PTPRD: variants seen among roughly 807,000 people sequenced by gnomAD.
The protein encoded by PTPRD is protein tyrosine phosphatase receptor type D.
Under a neutral mutation model 214.5 loss-of-function variants are expected in PTPRD, and 34 were observed. The observed-to-expected ratio is 0.16, with a 90% CI of 0.12 to 0.21. The LOEUF is 0.21. Ranked by LOEUF, PTPRD falls within the 10% of genes least tolerant of loss-of-function variation. PTPRD has a pLI of 1.00. For synonymous variants in PTPRD, 1,128 were observed against 845.7 expected (o/e 1.33, Z -5.79); for missense variants, 2,545 against 2,398.7 (o/e 1.06, Z -1.27).
intron 4 of PTPRD, among the ~76,000 whole-genome samples, chr9:10,000,399 G>T (rs564410479): frequency 6.6e-6 from 1 of 152,080 alleles, no homozygotes; most frequent in Admixed American, 6.6e-5. Flanking sequence ...ACTCAAAATG[G>T]TGCTGCAAAC....
At chr9:9,339,554 T>A (rs962169542) in intron 9 of PTPRD, among the ~76,000 whole-genome samples, 3 of 152,164 alleles carry the variant, frequency 2.0e-5, no homozygotes, top group African/African-American at 7.2e-5. Context: ...CTGCAATAAG[T>A]GCCTGGTATA....
At chr9:9,871,512 A>AC (rs2065418081) in intron 5 of PTPRD, among the ~76,000 whole-genome samples, 1 of 152,222 alleles carries the variant, frequency 6.6e-6, no homozygotes, top group South Asian at 2.1e-4. Context: ...CTGTATTTCT[A>AC]ACTCTAGCTC....
chr9:9,252,260 A>G (rs891828678), intron 9 of PTPRD, among the ~76,000 whole-genome samples: 10 of 152,048 alleles, frequency 6.6e-5, no homozygotes, highest in Admixed American at 6.6e-5. Flanking sequence ...GTACATTTAT[A>G]AGGAAATCTC....
At chr9:10,559,451 AT>A (rs1442321872) in intron 2 of PTPRD, among the ~76,000 whole-genome samples, 1 of 152,174 alleles carries the variant, frequency 6.6e-6, no homozygotes, top group Non-Finnish European at 1.5e-5. Flanking sequence ...TTTTAAAATT[AT>A]TTTTTGTTTT....
At chr9:8,391,095 C>T (rs2089380096) in intron 36 of PTPRD, among the ~76,000 whole-genome samples, 1 of 152,038 alleles carries the variant, frequency 6.6e-6, no homozygotes, top group Admixed American at 6.6e-5. Context: ...GTGCATGATC[C>T]CTTCTACCCT....
At chr9:9,203,019 A>G (rs1050505546) in intron 9 of PTPRD, among the ~76,000 whole-genome samples, 4 of 152,146 alleles carry the variant, frequency 2.6e-5, no homozygotes, top group African/African-American at 9.7e-5. Flanking sequence ...CTTGAGCTCT[A>G]AACATCTATT....
chr9:8,358,219 A>G (rs747221938), intron 39 of PTPRD, among the ~76,000 whole-genome samples: 3 of 152,178 alleles, frequency 2.0e-5, no homozygotes, highest in Non-Finnish European at 4.4e-5. Flanking sequence ...CCTGGGGAAG[A>G]AATTCAGTTT....
chr9:10,115,913 G>A (rs540601664), intron 3 of PTPRD, among the ~76,000 whole-genome samples: 14 of 151,862 alleles, frequency 9.2e-5, no homozygotes, highest in Non-Finnish European at 1.3e-4. Context: ...ATCTCTTTTG[G>A]CATGTATGAC....
chr9:9,870,285 T>C (rs2065086797), intron 5 of PTPRD, among the ~76,000 whole-genome samples: 1 of 152,012 alleles, frequency 6.6e-6, no homozygotes, highest in Admixed American at 6.6e-5. Flanking sequence ...ACAATTATAA[T>C]GATAGATTTC....
intron 11 of PTPRD, among the ~76,000 whole-genome samples, chr9:8,775,689 G>T (rs536973140): frequency 1.3e-5 from 2 of 152,226 alleles, no homozygotes; most frequent in Admixed American, 1.3e-4. Flanking sequence ...TAATTTCTAA[G>T]ATCCAATAAC....
At chr9:10,451,110 A>C (rs1295263032) in intron 2 of PTPRD, among the ~76,000 whole-genome samples, 1 of 151,896 alleles carries the variant, frequency 6.6e-6, no homozygotes, top group African/African-American at 2.4e-5. Flanking sequence ...AAAAGTATTT[A>C]AGTATACGTA....
At chr9:10,338,010 TC>T (rs1368195400) in intron 3 of PTPRD, among the ~76,000 whole-genome samples, 1 of 151,722 alleles carries the variant, frequency 6.6e-6, no homozygotes, top group Non-Finnish European at 1.5e-5. Context: ...GCAAACTTTT[TC>T]ACTCATTTCT....
In PTPRD at chr9:9,724,911, A is replaced by G. The variant is rs116731678; in HGVS notation, c.-287+9622T>C. Among the ~76,000 whole-genome samples, 183 of 152,238 alleles carry G rather than the reference A, an allele frequency of 1.2e-3. 1 individual carries two copies. The highest frequency in any genetic ancestry group is 4.2e-3 in the African/African-American group (174 of 41,552). ...CTGATTACTAAGCTACAGTACAATGAAGATCAATGGCAGAGGAGTGGTCAG... is the reference window on the plus strand; with the variant it reads ...CTGATTACTAAGCTACAGTACAATGGAGATCAATGGCAGAGGAGTGGTCAG... On this transcript the variant is annotated intron_variant, in intron 7 of 45. Coordinates refer to ENST00000381196, the MANE Select transcript of PTPRD (RefSeq NM_002839.4).
At chr9:9,812,835 T>C (rs2047567554) in intron 5 of PTPRD, among the ~76,000 whole-genome samples, 1 of 152,104 alleles carries the variant, frequency 6.6e-6, no homozygotes. Context: ...AGACACATTC[T>C]TCTCAAGTGT....
chr9:10,014,287 T>G (rs1028960304), intron 4 of PTPRD, among the ~76,000 whole-genome samples: 3 of 152,036 alleles, frequency 2.0e-5, no homozygotes, highest in African/African-American at 7.2e-5. Context: ...TAATTTGAGC[T>G]GCAATTCCCA....
chr9:8,423,828 T>C (rs1168695291), intron 35 of PTPRD, among the ~76,000 whole-genome samples: 1 of 152,140 alleles, frequency 6.6e-6, no homozygotes, highest in South Asian at 2.1e-4. Flanking sequence ...TGCTTTTTTT[T>C]TCCTTGATTT....
At chr9:9,854,116 T>C (rs1774922601) in intron 5 of PTPRD, among the ~76,000 whole-genome samples, 1 of 152,192 alleles carries the variant, frequency 6.6e-6, no homozygotes, top group South Asian at 2.1e-4. Flanking sequence ...AATTGTAGTC[T>C]TGTAACCATT....
chr9:9,890,197 T>A (rs1027184696), intron 5 of PTPRD, among the ~76,000 whole-genome samples: 3 of 152,054 alleles, frequency 2.0e-5, no homozygotes, highest in African/African-American at 4.8e-5. Flanking sequence ...AAATATCCTA[T>A]TAACATTTTT....
chr9:8,856,923 A>G (rs558492926), intron 11 of PTPRD, among the ~76,000 whole-genome samples: 46 of 152,346 alleles, frequency 3.0e-4, no homozygotes, highest in Admixed American at 1.3e-4. Flanking sequence ...AAAAGCTACA[A>G]TAAATCTATG....
Sources: gnomAD v4.1 joint callset for allele counts (sites outside exome capture counted in the v4.1 genomes callset) on GRCh38, gnomAD v4.1.1 for gene constraint, MANE v1.5 for transcripts, NCBI Gene and HGNC (gene_info 2026-07-23, HGNC 2026-07-21) for gene names.